The following SGTB variants were observed in gnomAD, a reference collection of about 807,000 sequenced individuals.
The protein encoded by SGTB is small glutamine rich tetratricopeptide repeat co-chaperone beta, also known as small glutamine-rich tetratricopeptide repeat-containing protein beta.
Under a neutral mutation model 43.9 loss-of-function variants are expected in SGTB, and 19 were observed. The ratio of observed to expected loss-of-function variants is 0.43; its 90% CI spans 0.30 to 0.63. SGTB has a LOEUF of 0.63. SGTB is among the 30% of genes least tolerant of loss of function. The pLI, the probability that SGTB is intolerant of heterozygous loss-of-function variation, is 0.12. For missense variants in SGTB, 304 were observed against 358.9 expected, an observed-to-expected ratio of 0.85 and a Z score of 1.24; for synonymous variants, 116 against 117.3, an observed-to-expected ratio of 0.99 and a Z score of 0.07.
intron 5 of SGTB, among the ~76,000 whole-genome samples, chr5:65,694,930 G>A (rs1292933844): frequency 6.6e-6 from 1 of 152,146 alleles, no homozygotes; most frequent in Non-Finnish European, 1.5e-5. Context: ...GAGGAAAAGT[G>A]AAGATAATGA....
chr5:65,701,630 ATTT>A (rs35304663), intron 5 of SGTB, among the ~76,000 whole-genome samples: 8 of 126,482 alleles, frequency 6.3e-5, no homozygotes, highest in Admixed American at 8.2e-5. Flanking sequence ...TTTAAATTAA[ATTT>A]TTTTTTTTTT....
At chr5:65,692,813 C>T (rs1446149940) in intron 5 of SGTB, among the ~76,000 whole-genome samples, 1 of 152,042 alleles carries the variant, frequency 6.6e-6, no homozygotes, top group Non-Finnish European at 1.5e-5. Context: ...TATCCCTATT[C>T]TTGGGAGATA....
chr5:65,718,951 T>A (rs1176024334), intron 2 of SGTB, among the ~76,000 whole-genome samples: 1 of 152,244 alleles, frequency 6.6e-6, no homozygotes, highest in African/African-American at 2.4e-5. Flanking sequence ...TGCATTTATC[T>A]GTTTGCTACA....
chr5:65,689,032 G>A (rs559587207), intron 5 of SGTB, among the ~76,000 whole-genome samples: 3 of 152,056 alleles, frequency 2.0e-5, no homozygotes, highest in South Asian at 2.1e-4. Context: ...GGATGGTCTC[G>A]ATCTCCTGAC....
chr5:65,704,939 GGAT>G (rs1757900372), intron 4 of SGTB, among the ~76,000 whole-genome samples: 3 of 152,086 alleles, frequency 2.0e-5, no homozygotes, highest in African/African-American at 7.2e-5. Flanking sequence ...TTTTAAAAGG[GGAT>G]TTAAAGAGAT....
intron 5 of SGTB, among the ~76,000 whole-genome samples, chr5:65,700,682 CAAAAAAAA>C (rs376335799): frequency 3.7e-5 from 3 of 80,810 alleles, no homozygotes; most frequent in African/African-American, 5.2e-5. Context: ...CTCTGTCTCC[CAAAAAAAA>C]AAAAAAAAGA....
At chr5:65,683,680 T>TAATGGCTGGGCGC (rs1757442454) in intron 6 of SGTB, among the ~76,000 whole-genome samples, 1 of 39,544 alleles carries the variant, frequency 2.5e-5, no homozygotes, top group Non-Finnish European at 5.7e-5. Flanking sequence ...AATAAGTTAA[T>TAATGGCTGGGCGC]AGTGGCCTGT....
Position 65,712,988 on chromosome 5 carries a change from T to G in SGTB, c.177A>C (p.Thr59=), listed in dbSNP as rs764833532. 1.2e-6 allele frequency: 2 copies of G among 1,613,528 alleles called. No homozygotes were observed. ...DTHLAVSQPL[T]EMFTSSFCKN... Reference sequence around the variant, plus strand: ...TACAGAAGGAACTGGTAAACATTTCTGTCAAAGGCTGTGAAACTGCTAGGT... The same window carrying G: ...TACAGAAGGAACTGGTAAACATTTCGGTCAAAGGCTGTGAAACTGCTAGGT... Residue 59 remains threonine, a synonymous_variant, in exon 3 of 11, where the codon ACA becomes ACC. Transcript: ENST00000381007.
chr5:65,686,615 T>A (rs1219615285), intron 5 of SGTB, among the ~76,000 whole-genome samples: 1 of 151,706 alleles, frequency 6.6e-6, no homozygotes, highest in African/African-American at 2.4e-5. Context: ...CGCCTCTGCC[T>A]CCCTAAGAGC....
intron 4 of SGTB, among the ~76,000 whole-genome samples, chr5:65,705,720 T>C (rs1757920207): frequency 6.6e-6 from 1 of 152,028 alleles, no homozygotes; most frequent in African/African-American, 2.4e-5. Context: ...TGGTTTTTGT[T>C]TGGGGGGTTA....
upstream of SGTB, chr5:65,722,166 C>A (rs531486293): frequency 8.2e-6 from 2 of 243,556 alleles, no homozygotes; most frequent in South Asian, 3.4e-4. Flanking sequence ...GGGCCAGACA[C>A]GCGAGCTGGG....
intron 5 of SGTB, among the ~76,000 whole-genome samples, chr5:65,693,754 T>G (rs1330781844): frequency 1.3e-5 from 2 of 152,156 alleles, no homozygotes; most frequent in African/African-American, 4.8e-5. Context: ...CCTTCAACCT[T>G]TCCTAGTCTA....
intron 4 of SGTB, among the ~76,000 whole-genome samples, chr5:65,706,331 A>T (rs1757933019): frequency 1.3e-5 from 2 of 152,142 alleles, no homozygotes; most frequent in Admixed American, 6.6e-5. Context: ...TTTCTGGGTT[A>T]TTGAGACTTT....
intron 6 of SGTB, among the ~76,000 whole-genome samples, chr5:65,684,071 G>T (rs1473826493): frequency 6.6e-6 from 1 of 151,962 alleles, no homozygotes; most frequent in East Asian, 1.9e-4. Context: ...GTAAAGGGAT[G>T]GGTCCAACTA....
chr5:65,693,158 C>G (rs1757644950), intron 5 of SGTB, among the ~76,000 whole-genome samples: 1 of 151,666 alleles, frequency 6.6e-6, no homozygotes, highest in Non-Finnish European at 1.5e-5. Flanking sequence ...CATTGCACTC[C>G]AGGCTGGGTG....
chr5:65,703,243 C>G (rs750932154), intron 5 of SGTB, among the ~76,000 whole-genome samples: 46 of 152,246 alleles, frequency 3.0e-4, no homozygotes, highest in South Asian at 8.3e-4. Context: ...AAAAATAACC[C>G]TTGCTGAGTA....
Position 65,671,932 on chromosome 5 carries a change from C to T in SGTB, c.786G>A (p.Leu262=), listed in dbSNP as rs536989518. The change falls in exon 10 of 11, where the codon CTG becomes CTA. Residue 262 remains leucine (L), a synonymous_variant. Transcript: ENST00000381007. ...ATACTTACGCTTGGATGAGGCTTGACAGGTCAGTTAGGCCCCCAACTCCAG... is the reference window on the plus strand; with the variant it reads ...ATACTTACGCTTGGATGAGGCTTGATAGGTCAGTTAGGCCCCCAACTCCAG... ...PAAGVGGLTD[L]SSLIQAGQQF... is the part of the protein sequence containing the mutation. 1 of 1,613,918 alleles carries T rather than the reference C, an allele frequency of 6.2e-7. No individual in the cohort carries two copies. The highest frequency in any genetic ancestry group is 1.3e-5 in the African/African-American group (1 of 75,034).
intron 5 of SGTB, among the ~76,000 whole-genome samples, chr5:65,687,469 A>G (rs1017123896): frequency 6.6e-6 from 1 of 152,218 alleles, no homozygotes; most frequent in Non-Finnish European, 1.5e-5. Flanking sequence ...AAGAAAACTC[A>G]TATTTATGCT....
Position 65,680,497 on chromosome 5 carries a change from A to G in SGTB, c.678T>C (p.Ser226=). 1.2e-6 allele frequency: 2 copies of G among 1,614,076 alleles called. No homozygotes were observed. Among genetic ancestry groups the G allele is most frequent in the Non-Finnish European group, 1.7e-6 (2 of 1,179,986 alleles). The change falls in exon 8 of 11, where the codon AGT becomes AGC. Residue 226 remains serine (S), a synonymous_variant. Transcript: ENST00000381007. ...ASLINNPAFI[S]MAASLMQNPQ... ...GCAGAAAAGAAAGTATACTCACCAT[A>G]CTAATGAAGGCTGGATTATTTATCA...
Sources: gnomAD v4.1 joint callset for allele counts (sites outside exome capture counted in the v4.1 genomes callset) on GRCh38, gnomAD v4.1.1 for gene constraint, MANE v1.5 for transcripts, NCBI Gene and HGNC (gene_info 2026-07-23, HGNC 2026-07-21) for gene names.